Variants in GPAT4 observed in about 807,000 individuals in gnomAD.
The protein encoded by GPAT4 is glycerol-3-phosphate acyltransferase 4.
Under a neutral mutation model 58.0 loss-of-function variants are expected in GPAT4, and 17 were observed. The observed-to-expected ratio is 0.29, with a 90% CI of 0.20 to 0.44. The LOEUF (loss-of-function observed/expected upper bound fraction) is 0.44, where lower values mean the gene tolerates loss of function less well. Among genes scored for constraint, GPAT4 ranks in the 20% least tolerant of loss-of-function variants. GPAT4 has a pLI of 1.00. For synonymous variants in GPAT4, 204 were observed against 210.1 expected, an observed-to-expected ratio of 0.97 and a Z score of 0.25; for missense variants, 377 against 574.5, an observed-to-expected ratio of 0.66 and a Z score of 3.51.
chr8:41,579,996 G>C (rs976727365), intron 1 of GPAT4, among the ~76,000 whole-genome samples: 44 of 152,150 alleles, frequency 2.9e-4, no homozygotes, highest in African/African-American at 8.2e-4. Context: ...TCTCGCCTCT[G>C]CCTCGAGGCT....
chr8:41,602,750 C>G (rs978074576), intron 2 of GPAT4, among the ~76,000 whole-genome samples: 1 of 152,104 alleles, frequency 6.6e-6, no homozygotes, highest in Admixed American at 6.5e-5. Context: ...AACGAACTAC[C>G]ATGGGTTGGG....
chr8:41,594,735 CG>C (rs545449708), intron 1 of GPAT4, among the ~76,000 whole-genome samples: 2 of 151,882 alleles, frequency 1.3e-5, no homozygotes, highest in Non-Finnish European at 2.9e-5. Flanking sequence ...TTAGTAGAGA[CG>C]GGGTTTCACC....
At chr8:41,618,582 G>C (rs1437667958) in intron 10 of GPAT4, 102 bp from the exon 11 acceptor site, 12 of 1,456,144 alleles carry the variant, frequency 8.2e-6, no homozygotes, top group Non-Finnish European at 1.0e-5. Context: ...CAGCACCCCA[G>C]TACCAGCACG....
chr8:41,610,049 AAGG>A (rs1300782873), intron 4 of GPAT4, 94 bp downstream of exon 4: 3 of 1,513,796 alleles, frequency 2.0e-6, no homozygotes, highest in Non-Finnish European at 1.8e-6. Context: ...CCGTTTTAGA[AAGG>A]AGGAGGGAAT....
chr8:41,591,237 TAACAC>T (rs1052633910), intron 1 of GPAT4, among the ~76,000 whole-genome samples: 2 of 152,166 alleles, frequency 1.3e-5, no homozygotes, highest in Non-Finnish European at 2.9e-5. Flanking sequence ...AATCTATAGA[TAACAC>T]AAGAGGTTAG....
chr8:41,620,793 G>T (rs1012469637), intron 12 of GPAT4, 100 bp from the exon 13 acceptor site: 7 of 1,503,070 alleles, frequency 4.7e-6, no homozygotes, highest in African/African-American at 4.2e-5. Context: ...GTTTCTGGCA[G>T]GTTTTTCTTG....
Position 41,624,948 on chromosome 8 carries a change from A to G in GPAT4, c.*3947A>G, listed in dbSNP as rs957630241. The G allele has an allele frequency of 6.6e-6, 1 of 152,134 alleles. No individual in the cohort carries two copies. 9.4% of individuals were successfully genotyped at this position (152,134 alleles called of 1,614,324 possible). On this transcript the variant is annotated 3_prime_UTR_variant, in exon 13 of 13. Coordinates refer to ENST00000396987, the MANE Select transcript of GPAT4 (RefSeq NM_178819.4). ...CACATCATTTCAGTACCTGCTATTAATGGTCTTTTGATAAATAATCACTTG... is the reference window on the plus strand; with the variant it reads ...CACATCATTTCAGTACCTGCTATTAGTGGTCTTTTGATAAATAATCACTTG...
chr8:41,596,721 G>T (rs1176963892), intron 1 of GPAT4, among the ~76,000 whole-genome samples: 1 of 152,212 alleles, frequency 6.6e-6, no homozygotes, highest in African/African-American at 2.4e-5. Context: ...GGCTGCCTTG[G>T]CCTTCCTCTA....
chr8:41,600,099 C>T (rs1022197648), intron 2 of GPAT4, among the ~76,000 whole-genome samples: 1 of 134,448 alleles, frequency 7.4e-6, no homozygotes, highest in Non-Finnish European at 1.5e-5. Context: ...AATGCAGTGG[C>T]GCAATCACGG....
At position 41,618,739 on chromosome 8, in the gene GPAT4, C is replaced by A; in HGVS notation, c.1109C>A (p.Thr370Lys). 1 of 1,614,230 alleles carries A rather than the reference C, an allele frequency of 6.2e-7. No individual in the cohort carries two copies. Among genetic ancestry groups the A allele is most frequent in the Non-Finnish European group, 8.5e-7 (1 of 1,180,046 alleles). The change falls in exon 11 of 13, where the codon ACG (threonine) becomes AAG (lysine). Residue 370 changes from threonine to lysine, a missense_variant. By Grantham distance (78) the Thr-to-Lys change is moderately conservative. Coordinates refer to ENST00000396987, the MANE Select transcript of GPAT4 (RefSeq NM_178819.4). Reference protein sequence around the residue: ...FWNSSKYGMVTYLLRMMTSWA... With the variant: ...FWNSSKYGMVKYLLRMMTSWA... ...AACAGCAGCAAATACGGGATGGTGACGTACCTGCTGCGAATGATGACCAGC... is the reference window on the plus strand; with the variant it reads ...AACAGCAGCAAATACGGGATGGTGAAGTACCTGCTGCGAATGATGACCAGC...
intron 1 of GPAT4, among the ~76,000 whole-genome samples, chr8:41,588,259 T>G (rs886995959): frequency 6.6e-6 from 1 of 152,226 alleles, no homozygotes; most frequent in African/African-American, 2.4e-5. Flanking sequence ...GCCTTTCTTT[T>G]ACCTTTTGAG....
In GPAT4 at chr8:41,600,064, A is replaced by G. The variant is rs1470731433; in HGVS notation, c.165+760A>G. Among the ~76,000 whole-genome samples the G allele has an allele frequency of 2.0e-4, 16 of 79,516 alleles. No homozygotes were observed. The Admixed American group carries it at 2.2e-3, about 11-fold the overall frequency. The allele number at this position is 79,516 out of a possible 152,430, so 52.2% of individuals were successfully genotyped here. A position where few individuals can be genotyped will look rare whatever the true frequency, so the allele number is the denominator to read the frequency against. ...TTTTTTTTTTTTTTTTCGAGACAAG[A>G]GTCTCACTCTGTCGCCCAGGCTGGA... On this transcript the variant is annotated intron_variant, in intron 2 of 12. Transcript: ENST00000396987.
chr8:41,605,700 G>T (rs566982175), intron 2 of GPAT4, among the ~76,000 whole-genome samples: 31 of 152,168 alleles, frequency 2.0e-4, no homozygotes, highest in Non-Finnish European at 3.8e-4. Flanking sequence ...TCAGCCCCGA[G>T]TAGTTGGGGT....
intron 1 of GPAT4, among the ~76,000 whole-genome samples, chr8:41,595,512 C>G (rs756106968): frequency 6.6e-6 from 1 of 152,112 alleles, no homozygotes; most frequent in African/African-American, 2.4e-5. Context: ...GATAGGAAGG[C>G]TACAGGTTGT....
At chr8:41,594,863 G>A (rs182667420) in intron 1 of GPAT4, among the ~76,000 whole-genome samples, 16 of 151,852 alleles carry the variant, frequency 1.1e-4, no homozygotes, top group South Asian at 6.2e-4. Context: ...TTTTTTAAAC[G>A]ACCAGTTATT....
At chr8:41,606,878 G>C (rs1803288538) in intron 2 of GPAT4, among the ~76,000 whole-genome samples, 1 of 152,184 alleles carries the variant, frequency 6.6e-6, no homozygotes, top group South Asian at 2.1e-4. Context: ...GTTCTTTCTA[G>C]ATTGGGACAA....
chr8:41,602,068 C>T (rs1176008899), intron 2 of GPAT4, among the ~76,000 whole-genome samples: 1 of 152,230 alleles, frequency 6.6e-6, no homozygotes, highest in Non-Finnish European at 1.5e-5. Flanking sequence ...AATTCTCCTG[C>T]CTCAGCCACC....
At chr8:41,590,193 TCTC>T (rs1360472531) in intron 1 of GPAT4, among the ~76,000 whole-genome samples, 1 of 152,148 alleles carries the variant, frequency 6.6e-6, no homozygotes, top group Non-Finnish European at 1.5e-5. Context: ...TTCAAGCAAT[TCTC>T]CTGCCTCAGC....
At chr8:41,605,338 G>A (rs1490395989) in intron 2 of GPAT4, among the ~76,000 whole-genome samples, 1 of 152,208 alleles carries the variant, frequency 6.6e-6, no homozygotes, top group Non-Finnish European at 1.5e-5. Context: ...CAGGAATTGA[G>A]TAGGTAACAT....
Sources: gnomAD v4.1 joint callset for allele counts (sites outside exome capture counted in the v4.1 genomes callset) on GRCh38, gnomAD v4.1.1 for gene constraint, MANE v1.5 for transcripts, NCBI Gene and HGNC (gene_info 2026-07-23, HGNC 2026-07-21) for gene names.